Variants in PLCZ1 observed in about 807,000 individuals in gnomAD.
PLCZ1 encodes phospholipase C zeta 1.
PLCZ1 carries 64 observed loss-of-function variants against 76.8 expected under a neutral mutation model. That is an observed-to-expected ratio of 0.83 (90% confidence interval 0.68 to 1.03). The LOEUF (loss-of-function observed/expected upper bound fraction) is 1.03, where lower values mean the gene tolerates loss of function less well. Ranked by LOEUF, PLCZ1 falls within the 50% of genes least tolerant of loss-of-function variation. The pLI, the probability that PLCZ1 is intolerant of heterozygous loss-of-function variation, is 0.00. For synonymous variants in PLCZ1, 248 were observed against 230.8 expected (o/e 1.07, Z -0.68); for missense variants, 751 against 713.7 (o/e 1.05, Z -0.60).
chr12:18,723,292 G>C lies in PLCZ1; in HGVS notation c.367+19C>G. ...TTCACATATAAATATTCCGATAAAAGTTTGAAATGCAAACATACCTTCTTC... is the reference window on the plus strand; with the variant it reads ...TTCACATATAAATATTCCGATAAAACTTTGAAATGCAAACATACCTTCTTC... On this transcript the variant is annotated intron_variant, in intron 4 of 14. Transcript: ENST00000266505. The C allele has an allele frequency of 1.3e-6, 2 of 1,585,964 alleles. No homozygotes were observed. The highest frequency in any genetic ancestry group is 1.7e-6 in the Non-Finnish European group (2 of 1,158,200).
intron 9 of PLCZ1, among the ~76,000 whole-genome samples, chr12:18,700,717 C>T (rs1169516179): frequency 6.6e-6 from 1 of 151,990 alleles, no homozygotes; most frequent in Non-Finnish European, 1.5e-5. Flanking sequence ...ACTAAAATCC[C>T]TTTCACTGAA....
At chr12:18,652,141 A>C in the PLCZ1 span, among the ~76,000 whole-genome samples, 1 of 152,132 alleles carries the variant, frequency 6.6e-6, no homozygotes, top group Non-Finnish European at 1.5e-5. Context: ...AACCCCAGGT[A>C]CCTCAGAATG....
chr12:18,693,946 C>T lies in PLCZ1; in HGVS notation c.1461+964G>A. 3.3e-6 allele frequency: 5 copies of T among 1,520,220 alleles called. No individual in the cohort carries two copies. The South Asian group carries it at 5.6e-5, about 17-fold the overall frequency. The allele number at this position is 1,520,220 out of a possible 1,614,324, so 94.2% of individuals were successfully genotyped here. Reference sequence around the variant, plus strand: ...ACTTGATCATGGCTAAAGATGACCTCTCTGGTGCTGACATCAAGGCAGTCT... The same window carrying T: ...ACTTGATCATGGCTAAAGATGACCTTTCTGGTGCTGACATCAAGGCAGTCT... On this transcript the variant is annotated intron_variant, in intron 12 of 14. Transcript: ENST00000266505.
chr12:18,721,852 C>T (rs933731109), intron 4 of PLCZ1, among the ~76,000 whole-genome samples: 1 of 151,938 alleles, frequency 6.6e-6, no homozygotes, highest in Admixed American at 6.6e-5. Context: ...GTCACTAAGA[C>T]TCAACTCAAT....
At chr12:18,728,478 G>C (rs1193947829) in intron 3 of PLCZ1, among the ~76,000 whole-genome samples, 3 of 152,094 alleles carry the variant, frequency 2.0e-5, no homozygotes, top group African/African-American at 7.2e-5. Flanking sequence ...GAGTCAATAA[G>C]ATAGCTCAGG....
chr12:18,702,761 A>T (rs1956107767), intron 7 of PLCZ1, among the ~76,000 whole-genome samples: 1 of 152,032 alleles, frequency 6.6e-6, no homozygotes, highest in South Asian at 2.1e-4. Flanking sequence ...GCCTCCTTTA[A>T]CAAGTCTCTA....
chr12:18,674,036 T>C, the PLCZ1 span, among the ~76,000 whole-genome samples: 1 of 152,200 alleles, frequency 6.6e-6, no homozygotes, highest in Non-Finnish European at 1.5e-5. Context: ...TACACAAAGC[T>C]GTGAGTATCA....
the PLCZ1 span, among the ~76,000 whole-genome samples, chr12:18,650,038 T>A: frequency 5.3e-3 from 810 of 152,170 alleles, 9 homozygotes; most frequent in African/African-American, 0.019. Context: ...TGAATACTGA[T>A]GATTCCCAGT....
chr12:18,684,813 T>G (rs1009522334), intron 13 of PLCZ1, among the ~76,000 whole-genome samples: 2 of 152,010 alleles, frequency 1.3e-5, no homozygotes, highest in Non-Finnish European at 2.9e-5. Context: ...CCCAGGTGTT[T>G]AGGAAGACAC....
chr12:18,667,975 C>CA, the PLCZ1 span, among the ~76,000 whole-genome samples: 4 of 151,566 alleles, frequency 2.6e-5, no homozygotes, highest in East Asian at 2.0e-4. Flanking sequence ...GCAACAACAA[C>CA]AAAAAAAAAA....
rs1954301592 is a variant in PLCZ1 at position 18,692,661 on chromosome 12, A to T, written c.1461+2249T>A. The T allele has an allele frequency of 4.6e-6, 3 of 649,270 alleles. No homozygotes were observed. In the East Asian group the frequency reaches 8.3e-5, roughly 18 times the overall value. 40.2% of individuals were successfully genotyped at this position (649,270 alleles called of 1,614,324 possible). On this transcript the variant is annotated intron_variant, in intron 12 of 14. Coordinates refer to ENST00000266505, the MANE Select transcript of PLCZ1 (RefSeq NM_033123.4). ...GAGGACTAATTATGCAGGAGAAAAAAATCATTTCTACATTGAAATCAGTAA... is the reference window on the plus strand; with the variant it reads ...GAGGACTAATTATGCAGGAGAAAAATATCATTTCTACATTGAAATCAGTAA...
intron 3 of PLCZ1, among the ~76,000 whole-genome samples, chr12:18,726,991 C>G (rs1272922021): frequency 2.0e-4 from 31 of 152,010 alleles, no homozygotes; most frequent in Admixed American, 2.0e-3. Flanking sequence ...ATTGTCAGTG[C>G]CCTCTGGAAG....
At chr12:18,690,705 A>T (rs1344153726) in intron 12 of PLCZ1, among the ~76,000 whole-genome samples, 1 of 152,206 alleles carries the variant, frequency 6.6e-6, no homozygotes, top group South Asian at 2.1e-4. Context: ...TTTCAAAAAG[A>T]CATGATTCCT....
chr12:18,690,850 C>T (rs905368669), intron 12 of PLCZ1, among the ~76,000 whole-genome samples: 1 of 152,092 alleles, frequency 6.6e-6, no homozygotes, highest in Non-Finnish European at 1.5e-5. Context: ...GGTTGTAGAA[C>T]AGGATGAAAG....
At chr12:18,698,757 C>T (rs1211240994) in intron 10 of PLCZ1, among the ~76,000 whole-genome samples, 3 of 152,148 alleles carry the variant, frequency 2.0e-5, no homozygotes, top group Non-Finnish European at 4.4e-5. Context: ...TCACCCCAAG[C>T]ATTTATCCTT....
At chr12:18,659,749 G>A in the PLCZ1 span, among the ~76,000 whole-genome samples, 26 of 147,736 alleles carry the variant, frequency 1.8e-4, no homozygotes, top group Admixed American at 1.2e-3. Context: ...ATGTATACAC[G>A]TGCCATATTG....
At chr12:18,671,070 A>C in the PLCZ1 span, among the ~76,000 whole-genome samples, 2 of 151,642 alleles carry the variant, frequency 1.3e-5, no homozygotes, top group Non-Finnish European at 2.9e-5. Context: ...CCAGCTACTC[A>C]GGAGGCTGAG....
In PLCZ1 at chr12:18,684,230, T is replaced by A; in HGVS notation, c.1641A>T (p.Pro547=). 1 of 1,611,184 alleles carries A rather than the reference T, an allele frequency of 6.2e-7. No homozygotes were observed. Among genetic ancestry groups the A allele is most frequent in the Non-Finnish European group, 8.5e-7 (1 of 1,177,930 alleles). The change falls in exon 14 of 15, where the codon CCA becomes CCT. Residue 547 remains proline (P), a synonymous_variant. Coordinates refer to ENST00000266505, the MANE Select transcript of PLCZ1 (RefSeq NM_033123.4). ...CAACAAAACGTATCAATGCCAATTC[T>A]GGGACATGAATAATAAATGTGAATG... ...NETFTFIIHV[P]ELALIRFVVE...
the PLCZ1 span, among the ~76,000 whole-genome samples, chr12:18,660,263 A>C: frequency 1.3e-5 from 2 of 152,118 alleles, no homozygotes; most frequent in Non-Finnish European, 2.9e-5. Flanking sequence ...AGCTTGCCGA[A>C]ACCAGCAGGA....
Sources: allele counts gnomAD v4.1 joint callset (sites outside exome capture counted in the v4.1 genomes callset), GRCh38; gene constraint gnomAD v4.1.1; transcripts MANE v1.5; gene names NCBI Gene and HGNC (gene_info 2026-07-23, HGNC 2026-07-21).